The following FRMD3 variants were observed in gnomAD, a reference collection of about 807,000 sequenced individuals.
FRMD3 encodes the protein FERM domain-containing protein 3.
A neutral mutation model predicts 70.2 loss-of-function variants in FRMD3; 33 were observed. The observed-to-expected ratio is 0.47, with a 90% CI of 0.36 to 0.63. The LOEUF is 0.63. FRMD3 is among the 20% of genes least tolerant of loss of function. FRMD3 has a pLI of 0.00. For missense variants in FRMD3, 632 were observed against 711.4 expected (o/e 0.89, Z 1.27); for synonymous variants, 279 against 255.9 (o/e 1.09, Z -0.86).
At chr9:83,345,270 A>G (rs1054259179) in intron 4 of FRMD3, among the ~76,000 whole-genome samples, 7 of 141,636 alleles carry the variant, frequency 4.9e-5, no homozygotes, top group Admixed American at 4.3e-4. Context: ...GCAGTCCCTA[A>G]TAAGTTTCTA....
chr9:83,247,664 A>G lies in FRMD3; in HGVS notation c.*254T>C, dbSNP rs560409629. Reference sequence around the variant, plus strand: ...GATATAATAGATGAAGGGTATGTCTACACTATAATAAAAAATAAACATATT... The same window carrying G: ...GATATAATAGATGAAGGGTATGTCTGCACTATAATAAAAAATAAACATATT... On this transcript the variant is annotated 3_prime_UTR_variant, in exon 14 of 14. Coordinates refer to ENST00000304195, the MANE Select transcript of FRMD3 (RefSeq NM_174938.6). The G allele has an allele frequency of 8.1e-5, 98 of 1,204,762 alleles. No homozygotes were observed. The highest frequency in any genetic ancestry group is 2.9e-4 in the African/African-American group (19 of 65,070). The allele number at this position is 1,204,762 out of a possible 1,614,324, so 74.6% of individuals were successfully genotyped here. A position where few individuals can be genotyped will look rare whatever the true frequency, so the allele number is the denominator to read the frequency against.
intron 10 of FRMD3, among the ~76,000 whole-genome samples, chr9:83,302,581 A>G (rs1300608232): frequency 6.6e-6 from 1 of 151,684 alleles, no homozygotes; most frequent in East Asian, 1.9e-4. Flanking sequence ...CTCATTATAT[A>G]ATAGTTTCCC....
chr9:83,391,242 T>C (rs1404167937), intron 1 of FRMD3, among the ~76,000 whole-genome samples: 1 of 152,260 alleles, frequency 6.6e-6, no homozygotes, highest in Non-Finnish European at 1.5e-5. Context: ...AAATGGAATT[T>C]GTTTTTAAAT....
At chr9:83,403,106 A>G (rs1825999376) in intron 1 of FRMD3, among the ~76,000 whole-genome samples, 1 of 151,462 alleles carries the variant, frequency 6.6e-6, no homozygotes, top group Non-Finnish European at 1.5e-5. Context: ...GTTTCATCAT[A>G]TTGGCCAGGC....
At chr9:83,365,566 A>T (rs1331556858) in intron 3 of FRMD3, among the ~76,000 whole-genome samples, 2 of 152,082 alleles carry the variant, frequency 1.3e-5, no homozygotes, top group Non-Finnish European at 2.9e-5. Context: ...AGGCAAGTGG[A>T]GAGATTTACA....
intron 6 of FRMD3, among the ~76,000 whole-genome samples, chr9:83,320,233 G>T (rs4523339): frequency 0.011 from 1,616 of 152,106 alleles, 29 homozygotes; most frequent in African/African-American, 0.036. Context: ...TCTTGTTCCC[G>T]TTCTCAGAGG....
chr9:83,365,893 G>C (rs558040657), intron 3 of FRMD3, among the ~76,000 whole-genome samples: 4 of 152,238 alleles, frequency 2.6e-5, no homozygotes, highest in Admixed American at 2.6e-4. Context: ...AAGAGACTTG[G>C]AGTGGAGGCC....
chr9:83,257,198 G>A (rs1832747749), intron 13 of FRMD3, among the ~76,000 whole-genome samples: 1 of 152,138 alleles, frequency 6.6e-6, no homozygotes, highest in Non-Finnish European at 1.5e-5. Flanking sequence ...GCCATAAAAA[G>A]GAACGAGATC....
chr9:83,344,345 A>AAT (rs1823878270), intron 4 of FRMD3, among the ~76,000 whole-genome samples: 1 of 101,592 alleles, frequency 9.8e-6, no homozygotes, highest in Non-Finnish European at 1.9e-5. Context: ...AGTCCCAGTT[A>AAT]TCACCTTGTG....
At chr9:83,571,727 T>A in the FRMD3 span, among the ~76,000 whole-genome samples, 1 of 152,216 alleles carries the variant, frequency 6.6e-6, no homozygotes, top group Non-Finnish European at 1.5e-5. Context: ...GTCTTGCTCA[T>A]CTGTAACTTT....
At chr9:83,545,346 G>GTTGTTTTTTTTTTTTTTTTTTT in the FRMD3 span, among the ~76,000 whole-genome samples, 1 of 117,298 alleles carries the variant, frequency 8.5e-6, no homozygotes, top group African/African-American at 3.0e-5. Context: ...GAAAAGTGTT[G>GTTGTTTTTTTTTTTTTTTTTTT]TTTTTTTTTG....
the FRMD3 span, among the ~76,000 whole-genome samples, chr9:83,560,763 C>G: frequency 6.6e-6 from 1 of 152,300 alleles, no homozygotes; most frequent in South Asian, 2.1e-4. Context: ...ACTTTCAGAT[C>G]CAGGCAAGAC....
chr9:83,335,664 G>C, intron 5 of FRMD3, 25 bp from the exon 6 acceptor site: 1 of 1,602,426 alleles, frequency 6.2e-7, no homozygotes, highest in Non-Finnish European at 8.5e-7. Flanking sequence ...AAAATAAAGA[G>C]ACAGAGAAAG....
Position 83,272,788 on chromosome 9 carries a change from C to T in FRMD3, c.1195+17815G>A, listed in dbSNP as rs576274635. Among the ~76,000 whole-genome samples, 16 of 148,026 alleles carry T rather than the reference C, an allele frequency of 1.1e-4. No homozygotes were observed. The South Asian group carries it at 2.8e-3, about 26-fold the overall frequency. On this transcript the variant is annotated intron_variant, in intron 13 of 13. Transcript: ENST00000304195. ...TGAGATGTGGGGAGTGCCTCTGCCC[C>T]GCCGCCCCGTCTGGGATGTGAGGAG...
At chr9:83,578,265 T>C in the FRMD3 span, among the ~76,000 whole-genome samples, 1 of 151,980 alleles carries the variant, frequency 6.6e-6, no homozygotes, top group Non-Finnish European at 1.5e-5. Context: ...GAAGAACTAA[T>C]ACTAATCCTT....
intron 1 of FRMD3, among the ~76,000 whole-genome samples, chr9:83,508,538 C>G (rs1207373846): frequency 1.3e-5 from 2 of 152,198 alleles, no homozygotes. Context: ...CTAATCATCT[C>G]TCTGACCTTG....
chr9:83,533,636 C>A (rs1401641169), intron 1 of FRMD3, among the ~76,000 whole-genome samples: 1 of 152,150 alleles, frequency 6.6e-6, no homozygotes, highest in Admixed American at 6.5e-5. Context: ...CTCATCCATT[C>A]AACTGATGTT....
chr9:83,498,742 AAAAAGAAAAG>A (rs4014026), intron 1 of FRMD3, among the ~76,000 whole-genome samples: 1 of 151,122 alleles, frequency 6.6e-6, no homozygotes, highest in Non-Finnish European at 1.5e-5. Context: ...CCCCTTTAAA[AAAAAGAAAAG>A]AAAACATATA....
At chr9:83,481,660 C>G (rs1476120796) in intron 1 of FRMD3, among the ~76,000 whole-genome samples, 3 of 152,104 alleles carry the variant, frequency 2.0e-5, no homozygotes, top group African/African-American at 4.8e-5. Context: ...TTAATTTGCC[C>G]AAAATCTCCA....
Sources: gnomAD v4.1 joint callset for allele counts (sites outside exome capture counted in the v4.1 genomes callset) on GRCh38, gnomAD v4.1.1 for gene constraint, MANE v1.5 for transcripts, NCBI Gene and HGNC (gene_info 2026-07-23, HGNC 2026-07-21) for gene names.